The following HIF1AN variants were observed in gnomAD, a reference collection of about 807,000 sequenced individuals.
The protein encoded by HIF1AN is hypoxia inducible factor 1 subunit alpha inhibitor.
HIF1AN carries 21 observed loss-of-function variants against 47.7 expected under a neutral mutation model. The ratio of observed to expected loss-of-function variants is 0.44; its 90% CI spans 0.31 to 0.63. The LOEUF (loss-of-function observed/expected upper bound fraction) is 0.63, where lower values mean the gene tolerates loss of function less well. Among genes scored for constraint, HIF1AN ranks in the 30% least tolerant of loss-of-function variants. The pLI is 0.07. For synonymous variants in HIF1AN, 152 were observed against 155.9 expected (o/e 0.98, Z 0.18); for missense variants, 320 against 432.7 (o/e 0.74, Z 2.31).
At chr10:100,541,532 A>T (rs1251390498) in intron 3 of HIF1AN, among the ~76,000 whole-genome samples, 1 of 151,778 alleles carries the variant, frequency 6.6e-6, no homozygotes, top group African/African-American at 2.4e-5. Context: ...ACAGAGTCTC[A>T]CTCTGTTGCC....
Position 100,558,337 on chromosome 10 carries a change from A to C in HIF1AN, c.*10200A>C, listed in dbSNP as rs1178567387. The C allele has an allele frequency of 6.6e-6, 1 of 152,222 alleles. No individual in the cohort carries two copies. The highest frequency in any genetic ancestry group is 1.5e-5 in the Non-Finnish European group (1 of 68,056). 9.4% of individuals were successfully genotyped at this position (152,222 alleles called of 1,614,324 possible). On this transcript the variant is annotated 3_prime_UTR_variant, in exon 8 of 8. Transcript: ENST00000299163. The stretch of plus-strand genomic sequence containing the variant: ...TAAGAGTTGCTAGGCACAGTCGTGC[A>C]CACTTGTAATCCCAACACTTTGGGA...
chr10:100,536,023 C>G lies in HIF1AN; in HGVS notation c.65C>G (p.Ala22Gly). The G allele has an allele frequency of 6.3e-7, 1 of 1,591,804 alleles. No homozygotes were observed. Among genetic ancestry groups the G allele is most frequent in the Non-Finnish European group, 8.5e-7 (1 of 1,170,216 alleles). The change falls in exon 1 of 8, where the codon GCC (alanine) becomes GGC (glycine). Residue 22 changes from alanine to glycine, a missense_variant. Ala to Gly is a moderately conservative substitution (Grantham distance 60). Around this residue, in one of 2 missense-constraint regions of HIF1AN, gnomAD observed 159 missense variants for 159.9 expected, o/e 0.99. Coordinates refer to ENST00000299163, the MANE Select transcript of HIF1AN (RefSeq NM_017902.3). The part of the protein sequence containing the change: ...GSGEPREEAG[A>G]LGPAWDESQL... ...GGAGAGCCCCGGGAGGAGGCTGGAGCCCTCGGCCCCGCCTGGGATGAATCC... is the reference window on the plus strand; with the variant it reads ...GGAGAGCCCCGGGAGGAGGCTGGAGGCCTCGGCCCCGCCTGGGATGAATCC...
intron 3 of HIF1AN, among the ~76,000 whole-genome samples, chr10:100,541,988 GGTAA>G (rs1482908952): frequency 1.3e-5 from 2 of 152,032 alleles, no homozygotes; most frequent in Non-Finnish European, 2.9e-5. Flanking sequence ...CTAACACAAT[GGTAA>G]GTATTTGTGT....
intron 7 of HIF1AN, among the ~76,000 whole-genome samples, chr10:100,547,507 C>G (rs1843105649): frequency 6.6e-6 from 1 of 152,116 alleles, no homozygotes; most frequent in South Asian, 2.1e-4. Context: ...TGAGGGGATT[C>G]TTCTGGAACA....
intron 2 of HIF1AN, among the ~76,000 whole-genome samples, chr10:100,540,245 G>C (rs190759370): frequency 5.1e-4 from 78 of 151,716 alleles, no homozygotes; most frequent in African/African-American, 1.6e-3. Flanking sequence ...CCCAAAAAAG[G>C]TTAAGCATCA....
In HIF1AN at chr10:100,555,305, C is replaced by T. The variant is rs960445253; in HGVS notation, c.*7168C>T. On this transcript the variant is annotated 3_prime_UTR_variant, in exon 8 of 8. Coordinates refer to ENST00000299163, the MANE Select transcript of HIF1AN (RefSeq NM_017902.3). ...TGGCTCAGATTTGTCCTGGAGTGGA[C>T]GTAGATTGGACTTGCTTATTTGTAG... 6.6e-6 allele frequency: 1 copy of T among 152,180 alleles called. No homozygotes were observed. The highest frequency in any genetic ancestry group is 2.1e-4 in the South Asian group (1 of 4,830). The allele number at this position is 152,180 out of a possible 1,614,324, so 9.4% of individuals were successfully genotyped here.
Position 100,550,919 on chromosome 10 carries a change from A to C in HIF1AN, c.*2782A>C, listed in dbSNP as rs1365401351. ...ACCTTTTGAGGGATGTTTAGGCTCAAATTCTGCTTGCCACAGAGGAAACAT... is the reference window on the plus strand; with the variant it reads ...ACCTTTTGAGGGATGTTTAGGCTCACATTCTGCTTGCCACAGAGGAAACAT... On this transcript the variant is annotated 3_prime_UTR_variant, in exon 8 of 8. Transcript: ENST00000299163. 6.6e-6 allele frequency: 1 copy of C among 152,164 alleles called. No homozygotes were observed. Among genetic ancestry groups the C allele is most frequent in the African/African-American group, 2.4e-5 (1 of 41,434 alleles). 9.4% of individuals were successfully genotyped at this position (152,164 alleles called of 1,614,324 possible).
Position 100,553,034 on chromosome 10 carries a change from G to A in HIF1AN, c.*4897G>A, listed in dbSNP as rs1185852879. 6.6e-6 allele frequency: 1 copy of A among 152,302 alleles called. No homozygotes were observed. Among genetic ancestry groups the A allele is most frequent in the East Asian group, 2.0e-4 (1 of 5,124 alleles). The allele number at this position is 152,302 out of a possible 1,614,324, so 9.4% of individuals were successfully genotyped here. A position where few individuals can be genotyped will look rare whatever the true frequency, so the allele number is the denominator to read the frequency against. ...AAACGGGAAGTCTTGAGGCCTGGGG[G>A]CGTGTGGTCAGTGAGGCCTCCAGAG... is the stretch of plus-strand genomic sequence containing the variant. On this transcript the variant is annotated 3_prime_UTR_variant, in exon 8 of 8. Coordinates refer to ENST00000299163, the MANE Select transcript of HIF1AN (RefSeq NM_017902.3).
chr10:100,542,419 T>A (rs1843044606), intron 3 of HIF1AN, among the ~76,000 whole-genome samples: 1 of 152,204 alleles, frequency 6.6e-6, no homozygotes, highest in Admixed American at 6.5e-5. Context: ...AGTGGCGCGA[T>A]CTCGGCTCAC....
chr10:100,539,264 C>T (rs1330795715), intron 2 of HIF1AN, among the ~76,000 whole-genome samples: 1 of 152,104 alleles, frequency 6.6e-6, no homozygotes, highest in East Asian at 1.9e-4. Context: ...GATCTCAGGA[C>T]CAGGACAGAG....
At chr10:100,546,266 A>G (rs1478507748) in intron 5 of HIF1AN, among the ~76,000 whole-genome samples, 3 of 152,154 alleles carry the variant, frequency 2.0e-5, no homozygotes, top group Non-Finnish European at 2.9e-5. Context: ...TCAAGTCCAA[A>G]GAGATTCCGG....
chr10:100,559,328 TTTTG>T lies in HIF1AN; in HGVS notation c.*11195_*11198del, dbSNP rs1270155734. The stretch of plus-strand genomic sequence containing the variant: ...GTAAGTTGGATCAAACATTAAACTT[TTTTG>T]TTTTATAAGCAAAATAATAAGATTT... On this transcript the variant is annotated 3_prime_UTR_variant, in exon 8 of 8. Coordinates refer to ENST00000299163, the MANE Select transcript of HIF1AN (RefSeq NM_017902.3). 1 of 152,150 alleles carries T rather than the reference TTTTG, an allele frequency of 6.6e-6. No homozygotes were observed. Among genetic ancestry groups the T allele is most frequent in the Non-Finnish European group, 1.5e-5 (1 of 67,966 alleles). The allele number at this position is 152,150 out of a possible 1,614,324, so 9.4% of individuals were successfully genotyped here.
intron 2 of HIF1AN, 91 bp from the exon 3 acceptor site, chr10:100,540,543 T>G (rs1843015805): frequency 1.4e-6 from 2 of 1,419,864 alleles, no homozygotes; most frequent in South Asian, 1.2e-5. Context: ...GATGCTGGTA[T>G]GGATTTGGGC....
rs1843159721 is a variant in HIF1AN, at chr10:100,551,536, A to G, written c.*3399A>G. ...TTAGGGACCCAGTTGCCAGCCTGAG[A>G]TGGATATAGGAACAGACATCTTTGG... On this transcript the variant is annotated 3_prime_UTR_variant, in exon 8 of 8. Transcript: ENST00000299163. The G allele has an allele frequency of 6.6e-6, 1 of 152,200 alleles. No individual in the cohort carries two copies. Among genetic ancestry groups the G allele is most frequent in the Admixed American group, 6.5e-5 (1 of 15,272 alleles). 9.4% of individuals were successfully genotyped at this position (152,200 alleles called of 1,614,324 possible).
In HIF1AN at chr10:100,553,877, G is replaced by T. The variant is rs1156991309; in HGVS notation, c.*5740G>T. On this transcript the variant is annotated 3_prime_UTR_variant, in exon 8 of 8. Transcript: ENST00000299163. ...AATGTTTGTAAAGCTTTAGCACAGT[G>T]CCTGGCAAGCACTTAATAAATGGCT... 1 of 152,180 alleles carries T rather than the reference G, an allele frequency of 6.6e-6. No homozygotes were observed. Among genetic ancestry groups the T allele is most frequent in the Non-Finnish European group, 1.5e-5 (1 of 68,044 alleles). The allele number at this position is 152,180 out of a possible 1,614,324, so 9.4% of individuals were successfully genotyped here.
chr10:100,546,202 T>TG (rs1489006935), intron 5 of HIF1AN, among the ~76,000 whole-genome samples, 153 bp downstream of exon 5: 2 of 152,154 alleles, frequency 1.3e-5, no homozygotes, highest in Non-Finnish European at 2.9e-5. Context: ...ACTGAACCTG[T>TG]GGGGGATAGT....
At position 100,556,400 on chromosome 10, in the gene HIF1AN, C is replaced by T. The variant is rs1412528528; in HGVS notation, c.*8263C>T. 6.6e-6 allele frequency: 1 copy of T among 152,176 alleles called. No individual in the cohort carries two copies. Among genetic ancestry groups the T allele is most frequent in the African/African-American group, 2.4e-5 (1 of 41,428 alleles). The allele number at this position is 152,176 out of a possible 1,614,324, so 9.4% of individuals were successfully genotyped here. A position where few individuals can be genotyped will look rare whatever the true frequency, so the allele number is the denominator to read the frequency against. On this transcript the variant is annotated 3_prime_UTR_variant, in exon 8 of 8. Coordinates refer to ENST00000299163, the MANE Select transcript of HIF1AN (RefSeq NM_017902.3). Reference sequence around the variant, plus strand: ...AGAGGCATTGAAGGTTTGTATGAGCCAGCAGCACAGTCAGAAGGCAAGAAG... The same window carrying T: ...AGAGGCATTGAAGGTTTGTATGAGCTAGCAGCACAGTCAGAAGGCAAGAAG...
In HIF1AN at chr10:100,558,742, C is replaced by G. The variant is rs1843234530; in HGVS notation, c.*10605C>G. ...ACAGTCTAGTCAGTGGCCCAACCAA[C>G]ATATCTGGTTGTTCTGCAATCTCAG... On this transcript the variant is annotated 3_prime_UTR_variant, in exon 8 of 8. Transcript: ENST00000299163. 6.6e-6 allele frequency: 1 copy of G among 152,232 alleles called. No individual in the cohort carries two copies. The highest frequency in any genetic ancestry group is 1.5e-5 in the Non-Finnish European group (1 of 68,042). The allele number at this position is 152,232 out of a possible 1,614,324, so 9.4% of individuals were successfully genotyped here.
intron 7 of HIF1AN, 39 bp from the exon 8 acceptor site, chr10:100,548,054 A>C: frequency 6.2e-7 from 1 of 1,609,314 alleles, no homozygotes; most frequent in Non-Finnish European, 8.5e-7. Context: ...AGGGCCAGGG[A>C]ACAGCCAGTT....
Sources: allele counts gnomAD v4.1 joint callset (sites outside exome capture counted in the v4.1 genomes callset), GRCh38; gene constraint gnomAD v4.1.1; regional missense constraint gnomAD v4.1.1; transcripts MANE v1.5; gene names NCBI Gene and HGNC (gene_info 2026-07-23, HGNC 2026-07-21).